WHRN: variants seen among roughly 807,000 people sequenced by gnomAD.
WHRN encodes the protein whirlin, also known as CASK-interacting protein CIP98.
Under a neutral mutation model 68.3 loss-of-function variants are expected in WHRN, and 41 were observed. The observed-to-expected ratio is 0.60, with a 90% CI of 0.47 to 0.78. The LOEUF is 0.78. WHRN is among the 30% of genes least tolerant of loss of function. WHRN has a pLI of 0.00. For synonymous variants in WHRN, 560 were observed against 561.3 expected (o/e 1.00, Z 0.03); for missense variants, 1,243 against 1,244.7 (o/e 1.00, Z 0.02).
chr9:114,504,472 C>A lies in WHRN; in HGVS notation c.330G>T (p.Thr110=). The change falls in exon 1 of 12, where the codon ACG becomes ACT. Residue 110 remains threonine (T), a synonymous_variant. Transcript: ENST00000362057. The stretch of plus-strand genomic sequence containing the variant: ...TGGCGGGCAGGTAGAGGCCCTCGGC[C>A]GTGTATTGGTCGAAGAGCAGCTGGT... ...RSDQLLFDQY[T]AEGLYLPATT... is the part of the protein sequence containing the mutation. The A allele has an allele frequency of 6.2e-7, 1 of 1,608,288 alleles. No homozygotes were observed. The highest frequency in any genetic ancestry group is 8.5e-7 in the Non-Finnish European group (1 of 1,179,784).
intron 3 of WHRN, among the ~76,000 whole-genome samples, chr9:114,458,759 T>C (rs1840010651): frequency 6.6e-6 from 1 of 151,232 alleles, no homozygotes; most frequent in Non-Finnish European, 1.5e-5. Context: ...TTATGTTGAA[T>C]GGGGAGGGTG....
chr9:114,403,110 G>C (rs1446442265), intron 11 of WHRN, 107 bp downstream of exon 11: 8 of 1,560,018 alleles, frequency 5.1e-6, no homozygotes, highest in African/African-American at 1.4e-5. Flanking sequence ...GCCTAGGTCT[G>C]CCCTTGAGTG....
rs1016230972 is a variant in WHRN at position 114,402,178 on chromosome 9, C to A, written c.*576G>T. On this transcript the variant is annotated 3_prime_UTR_variant, in exon 12 of 12. Coordinates refer to ENST00000362057, the MANE Select transcript of WHRN (RefSeq NM_015404.4). ...TCACCTGCAAGGCCTCTGGGATAGGCTGGGGGTGCAGAGGGAAGCTGGGGC... is the reference window on the plus strand; with the variant it reads ...TCACCTGCAAGGCCTCTGGGATAGGATGGGGGTGCAGAGGGAAGCTGGGGC... 1 of 167,612 alleles carries A rather than the reference C, an allele frequency of 6.0e-6. No individual in the cohort carries two copies. Among genetic ancestry groups the A allele is most frequent in the African/African-American group, 2.4e-5 (1 of 41,754 alleles). 10.4% of individuals were successfully genotyped at this position (167,612 alleles called of 1,614,324 possible). A position where few individuals can be genotyped will look rare whatever the true frequency, so the allele number is the denominator to read the frequency against.
At chr9:114,405,721 T>G (rs888016055) in intron 9 of WHRN, among the ~76,000 whole-genome samples, 3 of 152,210 alleles carry the variant, frequency 2.0e-5, no homozygotes, top group African/African-American at 7.2e-5. Flanking sequence ...GGGAATGTCC[T>G]ACGGGGCCTA....
chr9:114,445,133 T>A (rs915889505), intron 3 of WHRN, among the ~76,000 whole-genome samples: 3 of 150,772 alleles, frequency 2.0e-5, no homozygotes, highest in Non-Finnish European at 4.4e-5. Context: ...CCTCCACTTC[T>A]TGGGTTCAAG....
At chr9:114,426,819 T>C (rs1405577625) in intron 3 of WHRN, among the ~76,000 whole-genome samples, 1 of 152,258 alleles carries the variant, frequency 6.6e-6, no homozygotes, top group East Asian at 1.9e-4. Flanking sequence ...GTTGAGGTTT[T>C]TACCTCAACC....
intron 3 of WHRN, among the ~76,000 whole-genome samples, chr9:114,445,141 A>C (rs1384762539): frequency 2.0e-5 from 3 of 152,142 alleles, no homozygotes; most frequent in African/African-American, 7.2e-5. Context: ...TCTTGGGTTC[A>C]AGCGATTCTT....
rs536050988 is a variant in WHRN, at chr9:114,431,961, A to G, written c.964-5548T>C. On this transcript the variant is annotated intron_variant, in intron 3 of 11. Transcript: ENST00000362057. ...CACTGGGACAGGACGTGCTGGAGATAGGAGAGACAGGTGCCAAGTGTGATC... is the reference window on the plus strand; with the variant it reads ...CACTGGGACAGGACGTGCTGGAGATGGGAGAGACAGGTGCCAAGTGTGATC... 1.1e-4 allele frequency among the ~76,000 whole-genome samples: 17 copies of G among 152,350 alleles called. No homozygotes were observed. The South Asian group carries it at 1.2e-3, about 11-fold the overall frequency.
At chr9:114,442,525 T>C (rs1036154363) in intron 3 of WHRN, among the ~76,000 whole-genome samples, 5 of 152,200 alleles carry the variant, frequency 3.3e-5, no homozygotes, top group African/African-American at 1.2e-4. Flanking sequence ...GGTTTGGATA[T>C]TCGTCCCCTA....
intron 3 of WHRN, among the ~76,000 whole-genome samples, chr9:114,443,603 C>A (rs1265542349): frequency 4.6e-5 from 7 of 152,178 alleles, no homozygotes; most frequent in African/African-American, 1.7e-4. Flanking sequence ...TACCTCAAGG[C>A]CAGCTGAATA....
intron 3 of WHRN, among the ~76,000 whole-genome samples, chr9:114,442,669 G>C (rs1838475423): frequency 6.6e-6 from 1 of 152,066 alleles, no homozygotes; most frequent in South Asian, 2.1e-4. Context: ...TTGTCAAAAA[G>C]AGTCTGGGAC....
rs1460807250 is a variant in WHRN at position 114,504,264 on chromosome 9, C to T, written c.538G>A (p.Glu180Lys). ...LVEPGSLAEK[E>K]GLRVGDQILR... ...ATCTGGTCCCCGACCCGCAGTCCTTCCTTCTCAGCTAGAGAGCCTGGTTCC... is the reference window on the plus strand; with the variant it reads ...ATCTGGTCCCCGACCCGCAGTCCTTTCTTCTCAGCTAGAGAGCCTGGTTCC... The change falls in exon 1 of 12, where the codon GAA becomes AAA. Residue 180 changes from glutamate (E) to lysine (K), a missense_variant. Coordinates refer to ENST00000362057, the MANE Select transcript of WHRN (RefSeq NM_015404.4). 1.2e-6 allele frequency: 2 copies of T among 1,614,064 alleles called. No homozygotes were observed. The highest frequency in any genetic ancestry group is 1.3e-5 in the African/African-American group (1 of 74,954).
chr9:114,431,201 C>T (rs542838141), intron 3 of WHRN, among the ~76,000 whole-genome samples: 19 of 152,236 alleles, frequency 1.2e-4, no homozygotes, highest in African/African-American at 4.6e-4. Flanking sequence ...TGAGTGGCCC[C>T]GCACAGCTCT....
intron 1 of WHRN, among the ~76,000 whole-genome samples, chr9:114,497,209 A>G (rs1843531549): frequency 2.0e-5 from 3 of 152,208 alleles, no homozygotes; most frequent in South Asian, 2.1e-4. Flanking sequence ...GAAGGCTGAT[A>G]TATTTGCTTT....
chr9:114,502,292 C>T (rs914550876), intron 1 of WHRN, among the ~76,000 whole-genome samples: 6 of 152,204 alleles, frequency 3.9e-5, no homozygotes, highest in Non-Finnish European at 8.8e-5. Flanking sequence ...GCTCCTGCAC[C>T]ACAGGCTGCC....
At chr9:114,425,413 A>G (rs59714782) in intron 4 of WHRN, 211 of 550,512 alleles carry the variant, frequency 3.8e-4, no homozygotes, top group African/African-American at 2.2e-3. Context: ...TGCAACTCGC[A>G]GGTGCGGCTC....
intron 3 of WHRN, among the ~76,000 whole-genome samples, chr9:114,438,077 T>C (rs1838022243): frequency 6.6e-6 from 1 of 151,930 alleles, no homozygotes; most frequent in African/African-American, 2.4e-5. Flanking sequence ...CTACAAAAAA[T>C]ACAAAAAATT....
intron 4 of WHRN, chr9:114,425,445 A>G: frequency 2.2e-6 from 1 of 456,312 alleles, no homozygotes; most frequent in South Asian, 4.4e-5. Context: ...ATGTGGGCTC[A>G]GGCTGCCAGA....
chr9:114,429,754 C>A lies in WHRN; in HGVS notation c.964-3341G>T, dbSNP rs1837241804. On this transcript the variant is annotated intron_variant, in intron 3 of 11. Coordinates refer to ENST00000362057, the MANE Select transcript of WHRN (RefSeq NM_015404.4). ...CCTTCCCTATCTCGCCTCTGCAGCT[C>A]CCTCCTCCCCTCTCTCTCCCAGCTG... Among the ~76,000 whole-genome samples the A allele has an allele frequency of 4.6e-5, 7 of 152,288 alleles. No homozygotes were observed. The South Asian group carries it at 1.5e-3, about 32-fold the overall frequency.
Sources: allele counts gnomAD v4.1 joint callset (sites outside exome capture counted in the v4.1 genomes callset), GRCh38; gene constraint gnomAD v4.1.1; transcripts MANE v1.5; gene names NCBI Gene and HGNC (gene_info 2026-07-23, HGNC 2026-07-21).